Variants in POLR2F observed in about 807,000 individuals in gnomAD.
The protein encoded by POLR2F is DNA-directed RNA polymerases I, II, and III subunit RPABC2.
A neutral mutation model predicts 22.7 loss-of-function variants in POLR2F; 12 were observed. The observed-to-expected ratio is 0.53, with a 90% CI of 0.34 to 0.86. The LOEUF (loss-of-function observed/expected upper bound fraction) is 0.86, where lower values mean the gene tolerates loss of function less well. POLR2F is among the 40% of genes least tolerant of loss of function. The pLI is 0.02. For missense variants in POLR2F, 126 were observed against 171.5 expected (o/e 0.73, Z 1.48); for synonymous variants, 57 against 66.0 (o/e 0.86, Z 0.66).
In POLR2F at chr22:38,016,135, C is replaced by G. The variant is rs1361425656; in HGVS notation, c.121-9734C>G. On this transcript the variant is annotated intron_variant, in intron 1 of 2. Coordinates refer to the POLR2F transcript ENST00000333418. The surrounding 1 kb of genome is among the most constrained non-coding windows in gnomAD (Gnocchi z 4.4). ...TTATGTCTTGCTCAGCCTTACACCC[C>G]CTGCGTCTGGCCAGGGACTCAGCAC... Among the ~76,000 whole-genome samples, 1 of 152,190 alleles carries G rather than the reference C, an allele frequency of 6.6e-6. No homozygotes were observed. The highest frequency in any genetic ancestry group is 1.5e-5 in the Non-Finnish European group (1 of 68,030).
chr22:37,983,688 G>A (rs1478879510), upstream of POLR2F: 2 of 1,543,798 alleles, frequency 1.3e-6, no homozygotes, highest in Non-Finnish European at 1.7e-6. This position sits in a 1 kb window ranked among gnomAD's most constrained non-coding sequence, Gnocchi z 9.5. Context: ...CCGCCGTCGG[G>A]CCCTAGCGAG....
At chr22:37,969,407 C>CT (rs562844101), downstream of POLR2F, 23 of 779,370 alleles carry the variant, frequency 3.0e-5, no homozygotes, top group East Asian at 8.8e-4. Context: ...TCCTGCCTTC[C>CT]TGAGGCCTGT....
chr22:37,976,570 C>T (rs1197093175), intron 4 of POLR2F, among the ~76,000 whole-genome samples: 1 of 152,188 alleles, frequency 6.6e-6, no homozygotes, highest in Non-Finnish European at 1.5e-5. Flanking sequence ...GTGTGTGTCA[C>T]TTTCTGTACA....
intron 5 of POLR2F, chr22:38,040,886 G>A: frequency 1.1e-6 from 1 of 881,554 alleles, no homozygotes; most frequent in East Asian, 2.5e-5. Context: ...TGGAGGATGT[G>A]CCAAGGGGAA....
downstream of POLR2F, chr22:37,969,397 T>A (rs544355976): frequency 1.2e-6 from 1 of 854,236 alleles, no homozygotes; most frequent in Admixed American, 6.2e-5. Flanking sequence ...CAAGTGGAGC[T>A]CCTGCCTTCC....
rs745322611 is a variant in POLR2F at position 37,968,800 on chromosome 22, C to T, written c.*1085C>T. 1.1e-5 allele frequency: 11 copies of T among 985,398 alleles called. No individual in the cohort carries two copies. The highest frequency in any genetic ancestry group is 1.2e-5 in the Non-Finnish European group (10 of 830,006). The allele number at this position is 985,398 out of a possible 1,614,324, so 61.0% of individuals were successfully genotyped here. ...TAACCTCTGCAGGAGGCAGGGCCTC[C>T]AGGCCTAGGTGCAGCCTGGCCCTGG... On this transcript the variant is annotated 3_prime_UTR_variant, in exon 5 of 5. Coordinates refer to ENST00000442738, the MANE Select transcript of POLR2F (RefSeq NM_021974.5).
At position 37,956,789 on chromosome 22, in the gene POLR2F, T is replaced by C; in HGVS notation, c.37T>C (p.Phe13Leu). 6.2e-7 allele frequency: 1 copy of C among 1,614,002 alleles called. No individual in the cohort carries two copies. Among genetic ancestry groups the C allele is most frequent in the South Asian group, 1.1e-5 (1 of 91,082 alleles). Residue 13 changes from phenylalanine (F) to leucine (L), a missense_variant, in exon 2 of 5, where the codon TTT becomes CTT. Phe to Leu is a conservative substitution (Grantham distance 22). Transcript: ENST00000442738. ...DNEDNFDGDD[F>L]DDVEEDEGLD... ...CCTGTACAGTTTTGATGGCGACGACTTTGATGATGTGGAGGAGGATGAAGG... is the reference window on the plus strand; with the variant it reads ...CCTGTACAGTTTTGATGGCGACGACCTTGATGATGTGGAGGAGGATGAAGG...
intron 2 of POLR2F, among the ~76,000 whole-genome samples, chr22:37,957,423 T>C (rs890124252): frequency 6.6e-6 from 1 of 152,106 alleles, no homozygotes; most frequent in African/African-American, 2.4e-5. Context: ...GTGGGTTGGT[T>C]ATGGGGCTGA....
At chr22:37,971,126 TC>T, downstream of POLR2F, 2 of 424,220 alleles carry the variant, frequency 4.7e-6, no homozygotes, top group South Asian at 3.5e-5. Flanking sequence ...GGATGCCCAG[TC>T]TGGAGCAGTG....
At chr22:38,014,191 G>A (rs2084896364) in intron 1 of POLR2F, among the ~76,000 whole-genome samples, 2 of 150,878 alleles carry the variant, frequency 1.3e-5, no homozygotes, top group South Asian at 4.2e-4. Context: ...TTGCAACCTT[G>A]CTAAACTCAT....
chr22:37,966,010 G>A (rs987003330), intron 3 of POLR2F, among the ~76,000 whole-genome samples: 1 of 152,194 alleles, frequency 6.6e-6, no homozygotes, highest in Admixed American at 6.5e-5. Flanking sequence ...CTGGGCCTCC[G>A]TGGTGAATCA....
chr22:38,040,080 G>C (rs1296146874), intron 5 of POLR2F, among the ~76,000 whole-genome samples: 2 of 151,996 alleles, frequency 1.3e-5, no homozygotes, highest in African/African-American at 4.8e-5. Flanking sequence ...TTGGAGACCA[G>C]CTTGGGCAAC....
chr22:38,015,037 A>C (rs936016239), intron 1 of POLR2F, among the ~76,000 whole-genome samples: 2 of 151,390 alleles, frequency 1.3e-5, no homozygotes. Flanking sequence ...CAAACTCCTG[A>C]CCTTGAGATC....
downstream of POLR2F, among the ~76,000 whole-genome samples, chr22:38,031,041 A>C (rs1159594885): frequency 1.3e-5 from 2 of 151,950 alleles, no homozygotes; most frequent in Non-Finnish European, 2.9e-5. This position sits in a 1 kb window ranked among gnomAD's most constrained non-coding sequence, Gnocchi z 4.1. Flanking sequence ...CCAGCACTTC[A>C]GACCCTGCCA....
rs769126322 is a variant in POLR2F, at chr22:37,967,162, G to A, written c.285G>A (p.Lys95=). The change falls in exon 4 of 5, where the codon AAG becomes AAA. Residue 95 remains lysine, a synonymous_variant. Transcript: ENST00000442738. ...GETDPLLIAM[K]ELKARKIPII... ...CAGATCCTCTGCTCATTGCCATGAA[G>A]GAACTCAAGTAAGTCACTCAAATCA... The A allele has an allele frequency of 5.0e-6, 8 of 1,613,116 alleles. No homozygotes were observed. In the Admixed American group the frequency reaches 8.3e-5, roughly 17 times the overall value.
chr22:38,028,510 G>A (rs762347765), downstream of POLR2F, among the ~76,000 whole-genome samples: 11 of 151,992 alleles, frequency 7.2e-5, no homozygotes, highest in East Asian at 1.9e-4. Flanking sequence ...GTGCGTGTGC[G>A]TACGTGTGTG....
At chr22:37,966,708 T>G (rs761941093) in intron 3 of POLR2F, among the ~76,000 whole-genome samples, 3 of 152,042 alleles carry the variant, frequency 2.0e-5, no homozygotes, top group Non-Finnish European at 4.4e-5. Context: ...GAGGTTGCAG[T>G]GAGCCACGAT....
chr22:37,969,536 G>T (rs1931981942), downstream of POLR2F, among the ~76,000 whole-genome samples: 1 of 152,130 alleles, frequency 6.6e-6, no homozygotes, highest in Non-Finnish European at 1.5e-5. Context: ...ATGAGATGTG[G>T]GGTCTTGGAG....
intron 3 of POLR2F, among the ~76,000 whole-genome samples, chr22:37,963,448 C>T (rs759535918): frequency 7.2e-5 from 11 of 152,182 alleles, no homozygotes; most frequent in Non-Finnish European, 1.5e-4. Flanking sequence ...TGCCACCACA[C>T]GTGGCTAATG....
Sources: allele counts gnomAD v4.1 joint callset (sites outside exome capture counted in the v4.1 genomes callset), GRCh38; gene constraint gnomAD v4.1.1; non-coding constraint Gnocchi (gnomAD v3.1); transcripts MANE v1.5; gene names NCBI Gene and HGNC (gene_info 2026-07-23, HGNC 2026-07-21).